L2HGDH: variants seen among roughly 807,000 people sequenced by gnomAD.
L2HGDH encodes the protein L-2-hydroxyglutarate dehydrogenase, mitochondrial.
A neutral mutation model predicts 51.5 loss-of-function variants in L2HGDH; 34 were observed. The ratio of observed to expected loss-of-function variants is 0.66; its 90% CI spans 0.50 to 0.88. The LOEUF (loss-of-function observed/expected upper bound fraction) is 0.88, where lower values mean the gene tolerates loss of function less well. L2HGDH is among the 40% of genes least tolerant of loss of function. The pLI is 0.00. For missense variants in L2HGDH, 558 were observed against 571.9 expected, an observed-to-expected ratio of 0.98 and a Z score of 0.25; for synonymous variants, 198 against 197.9, an observed-to-expected ratio of 1.00 and a Z score of -0.01.
At chr14:50,301,903 T>A in intron 3 of L2HGDH, 114 bp downstream of exon 3, 1 of 1,091,276 alleles carries the variant, frequency 9.2e-7, no homozygotes, top group East Asian at 2.6e-5. Context: ...AAGATTAGAT[T>A]TGAAAAATTA....
intron 5 of L2HGDH, among the ~76,000 whole-genome samples, chr14:50,282,086 C>T (rs961311999): frequency 6.6e-6 from 1 of 152,008 alleles, no homozygotes; most frequent in Admixed American, 6.6e-5. Flanking sequence ...ATGATCCGCC[C>T]GCCTCGGCCT....
At position 50,246,988 on chromosome 14, in the gene L2HGDH, AAAG is replaced by A; in HGVS notation, c.*67_*69del. The A allele has an allele frequency of 6.5e-7, 1 of 1,532,892 alleles. No homozygotes were observed. Among genetic ancestry groups the A allele is most frequent in the Non-Finnish European group, 8.8e-7 (1 of 1,130,238 alleles). 95.0% of individuals were successfully genotyped at this position (1,532,892 alleles called of 1,614,324 possible). On this transcript the variant is annotated 3_prime_UTR_variant, in exon 10 of 10. Coordinates refer to ENST00000267436, the MANE Select transcript of L2HGDH (RefSeq NM_024884.3). ...AAGTTTAAAAACCATTTTTTAAATT[AAAG>A]AATGCAATTAGTACATTCTTGTTGC... is the stretch of plus-strand genomic sequence containing the variant.
At chr14:50,309,658 C>A (rs1308741317) in intron 1 of L2HGDH, among the ~76,000 whole-genome samples, 1 of 149,160 alleles carries the variant, frequency 6.7e-6, no homozygotes. Context: ...AACAGATAAC[C>A]TTGTGGCAAT....
chr14:50,296,372 CAAAAAAAAA>C (rs59868876), intron 3 of L2HGDH, among the ~76,000 whole-genome samples: 50 of 31,442 alleles, frequency 1.6e-3, no homozygotes, highest in African/African-American at 3.1e-3. Flanking sequence ...GACCCTGTCT[CAAAAAAAAA>C]AAAAAAAAAA....
intron 1 of L2HGDH, among the ~76,000 whole-genome samples, chr14:50,306,178 G>A (rs1280622005): frequency 6.6e-6 from 1 of 151,514 alleles, no homozygotes; most frequent in East Asian, 1.9e-4. Context: ...AGCCTCCCAA[G>A]TAGCTGGGAC....
In L2HGDH at chr14:50,243,502, A is replaced by G; in HGVS notation, c.*3556T>C. 1 of 733,936 alleles carries G rather than the reference A, an allele frequency of 1.4e-6. No individual in the cohort carries two copies. The highest frequency in any genetic ancestry group is 1.9e-5 in the African/African-American group (1 of 52,484). The allele number at this position is 733,936 out of a possible 1,614,324, so 45.5% of individuals were successfully genotyped here. ...CAAGGCTCATTAAAATATTTTAAAT[A>G]TTAATATACATTTCTTCTGTCAGAA... is the stretch of plus-strand genomic sequence containing the variant. On this transcript the variant is annotated 3_prime_UTR_variant, in exon 10 of 10. Coordinates refer to ENST00000267436, the MANE Select transcript of L2HGDH (RefSeq NM_024884.3).
chr14:50,301,014 T>C (rs1300762466), intron 3 of L2HGDH, among the ~76,000 whole-genome samples: 2 of 152,174 alleles, frequency 1.3e-5, no homozygotes, highest in East Asian at 1.9e-4. Flanking sequence ...TTTGTAGAGA[T>C]AGGGTCTCAC....
intron 9 of L2HGDH, among the ~76,000 whole-genome samples, chr14:50,256,094 G>A (rs1463540550): frequency 6.6e-6 from 1 of 152,118 alleles, no homozygotes; most frequent in African/African-American, 2.4e-5. Context: ...TTACATTATT[G>A]TCATATGTCA....
chr14:50,242,710 A>C lies in L2HGDH; in HGVS notation c.*4348T>G. On this transcript the variant is annotated 3_prime_UTR_variant, in exon 10 of 10. Coordinates refer to ENST00000267436, the MANE Select transcript of L2HGDH (RefSeq NM_024884.3). ...GTCCTTCTACCTTAAGCCCTGATGA[A>C]GAGATTTCAAAAACTCCCTTTGAGT... 1 of 985,440 alleles carries C rather than the reference A, an allele frequency of 1.0e-6. No individual in the cohort carries two copies. The highest frequency in any genetic ancestry group is 1.2e-6 in the Non-Finnish European group (1 of 829,932). 61.0% of individuals were successfully genotyped at this position (985,440 alleles called of 1,614,324 possible). A position where few individuals can be genotyped will look rare whatever the true frequency, so the allele number is the denominator to read the frequency against.
intron 3 of L2HGDH, among the ~76,000 whole-genome samples, chr14:50,295,520 C>T (rs1284357513): frequency 4.0e-5 from 6 of 151,850 alleles, no homozygotes; most frequent in Non-Finnish European, 8.8e-5. Context: ...GATTCTCCCA[C>T]CTCGGCCTCC....
intron 3 of L2HGDH, among the ~76,000 whole-genome samples, chr14:50,295,171 T>C (rs942372313): frequency 6.6e-5 from 10 of 152,182 alleles, no homozygotes; most frequent in African/African-American, 2.4e-4. Flanking sequence ...TAGACTTTTA[T>C]ATCTTGCCTT....
chr14:50,247,248 G>A lies in L2HGDH; in HGVS notation c.1202C>T (p.Pro401Leu). The A allele has an allele frequency of 1.2e-6, 2 of 1,612,904 alleles. No homozygotes were observed. Among genetic ancestry groups the A allele is most frequent in the Middle Eastern group, 1.7e-4 (1 of 6,060 alleles). ...CAGGGCCTGGGCTCTTACTCCAGCT[G>A]GGCCCCTGCAAAAGTAAAAGATGGG... is the stretch of plus-strand genomic sequence containing the variant. The part of the protein sequence containing the change: ...EITISDILRG[P>L]AGVRAQALDR... Residue 401 changes from proline to leucine, a missense_variant, in exon 10 of 10, where the codon CCA becomes CTA. This residue lies in a region of L2HGDH where 321 missense variants were observed against 311.8 expected (regional missense o/e 1.03). Coordinates refer to ENST00000267436, the MANE Select transcript of L2HGDH (RefSeq NM_024884.3).
chr14:50,292,544 G>T (rs1264345794), intron 4 of L2HGDH, among the ~76,000 whole-genome samples: 1 of 151,928 alleles, frequency 6.6e-6, no homozygotes, highest in East Asian at 1.9e-4. Context: ...CTGTCTATAC[G>T]AAAAATACAA....
intron 4 of L2HGDH, among the ~76,000 whole-genome samples, chr14:50,291,197 C>CA (rs1159640500): frequency 0.025 from 761 of 30,604 alleles, 95 homozygotes; most frequent in East Asian, 0.13. Context: ...GACTCCGTCT[C>CA]AAAAAAAAAA....
intron 9 of L2HGDH, among the ~76,000 whole-genome samples, chr14:50,253,892 G>C (rs1888502965): frequency 6.6e-6 from 1 of 152,084 alleles, no homozygotes; most frequent in Admixed American, 6.6e-5. Context: ...CAACATGGAG[G>C]TCATTATGTT....
In L2HGDH at chr14:50,290,671, TA is replaced by T. The variant is rs563692125; in HGVS notation, c.540+3443del. On this transcript the variant is annotated intron_variant, in intron 4 of 9. Transcript: ENST00000267436. ...CGGACACTGAAATTTGAATTTCATA[TA>T]TTTTTTTTTGAGATGGAGTCTCTCT... Among the ~76,000 whole-genome samples the T allele has an allele frequency of 4.8e-3, 737 of 152,204 alleles. 4 individuals are homozygous for T. Among genetic ancestry groups the T allele is most frequent in the Middle Eastern group, 0.024 (7 of 294 alleles).
At chr14:50,299,881 TC>T (rs1173637016) in intron 3 of L2HGDH, 1 of 154,014 alleles carries the variant, frequency 6.5e-6, no homozygotes, top group Non-Finnish European at 1.5e-5. Flanking sequence ...CATGTTCATC[TC>T]TATTGTCACA....
chr14:50,242,949 G>C lies in L2HGDH; in HGVS notation c.*4109C>G. ...GGATAGCTCATAGGTACAGCCATCA[G>C]GGTTGGATTGCCTCCAAAAGTAGGC... On this transcript the variant is annotated 3_prime_UTR_variant, in exon 10 of 10. Coordinates refer to ENST00000267436, the MANE Select transcript of L2HGDH (RefSeq NM_024884.3). 1 of 985,476 alleles carries C rather than the reference G, an allele frequency of 1.0e-6. No individual in the cohort carries two copies. The allele number at this position is 985,476 out of a possible 1,614,324, so 61.0% of individuals were successfully genotyped here.
intron 1 of L2HGDH, among the ~76,000 whole-genome samples, chr14:50,310,727 T>C (rs1044286789): frequency 3.3e-5 from 5 of 151,908 alleles, no homozygotes; most frequent in African/African-American, 1.2e-4. Flanking sequence ...AAAAAACATT[T>C]TAAGTATAAA....
Sources: gnomAD v4.1 joint callset for allele counts (sites outside exome capture counted in the v4.1 genomes callset) on GRCh38, gnomAD v4.1.1 for gene constraint, gnomAD v4.1.1 regional missense constraint, MANE v1.5 for transcripts, NCBI Gene and HGNC (gene_info 2026-07-23, HGNC 2026-07-21) for gene names.